The following NLGN1 variants were observed in gnomAD, a reference collection of about 807,000 sequenced individuals.
NLGN1 encodes neuroligin 1.
In NLGN1, 12 loss-of-function variants were observed where a neutral mutation model predicts 65.5. The observed-to-expected ratio is 0.18, with a 90% CI of 0.12 to 0.30. NLGN1 has a LOEUF of 0.30. NLGN1 is among the 10% of genes least tolerant of loss of function. NLGN1 has a pLI of 1.00. For synonymous variants in NLGN1, 350 were observed against 359.5 expected (o/e 0.97, Z 0.30); for missense variants, 750 against 1,007.1 (o/e 0.74, Z 3.46).
At chr3:173,647,560 T>C (rs979621582) in intron 3 of NLGN1, among the ~76,000 whole-genome samples, 2 of 152,040 alleles carry the variant, frequency 1.3e-5, no homozygotes, top group Non-Finnish European at 2.9e-5. Flanking sequence ...AATTCCCAAA[T>C]ATTTGAAAAC....
chr3:173,798,671 A>C (rs568291826), intron 3 of NLGN1, among the ~76,000 whole-genome samples: 2 of 152,222 alleles, frequency 1.3e-5, no homozygotes, highest in African/African-American at 4.8e-5. Context: ...AATTGCTTGC[A>C]GGTGTGATTA....
chr3:173,467,516 T>C (rs1028007734), intron 2 of NLGN1, among the ~76,000 whole-genome samples: 26 of 152,152 alleles, frequency 1.7e-4, no homozygotes, highest in Non-Finnish European at 2.9e-4. Context: ...AGTATGACAA[T>C]TAATACTTTC....
At chr3:173,424,603 C>G (rs1715750331) in intron 1 of NLGN1, among the ~76,000 whole-genome samples, 1 of 152,186 alleles carries the variant, frequency 6.6e-6, no homozygotes, top group Admixed American at 6.5e-5. Context: ...GTTTAAAGTT[C>G]CACAGATGTC....
At chr3:174,194,405 C>T (rs541437985) in intron 4 of NLGN1, among the ~76,000 whole-genome samples, 15 of 150,580 alleles carry the variant, frequency 1.0e-4, no homozygotes, top group African/African-American at 3.2e-4. Context: ...GCTGAGGTCG[C>T]ACCACTGAAC....
chr3:173,550,956 C>G (rs533607532), intron 2 of NLGN1, among the ~76,000 whole-genome samples: 8 of 152,238 alleles, frequency 5.3e-5, no homozygotes, highest in African/African-American at 1.7e-4. Context: ...CGATTTTTCT[C>G]CCTATACACA....
chr3:173,905,380 A>C (rs1045313204), intron 4 of NLGN1, among the ~76,000 whole-genome samples: 10 of 152,172 alleles, frequency 6.6e-5, no homozygotes, highest in African/African-American at 2.4e-4. Flanking sequence ...TGTACTGTCC[A>C]CTTAAAGCAA....
At chr3:173,968,272 A>G (rs575543787) in intron 4 of NLGN1, among the ~76,000 whole-genome samples, 1 of 152,312 alleles carries the variant, frequency 6.6e-6, no homozygotes, top group South Asian at 2.1e-4. Context: ...CCCTGTAGAA[A>G]AGGAATATTT....
chr3:173,835,755 A>G (rs190269289), intron 4 of NLGN1, among the ~76,000 whole-genome samples: 129 of 152,258 alleles, frequency 8.5e-4, no homozygotes, highest in African/African-American at 3.0e-3. Context: ...CCTTAATCCA[A>G]GAATACTAGA....
intron 2 of NLGN1, among the ~76,000 whole-genome samples, chr3:173,439,113 C>T (rs1460807978): frequency 6.6e-6 from 1 of 152,070 alleles, no homozygotes; most frequent in African/African-American, 2.4e-5. Context: ...AAGAAAAGAG[C>T]TGTTGAAGTC....
At chr3:173,624,661 G>A (rs1050841240) in intron 3 of NLGN1, among the ~76,000 whole-genome samples, 1 of 152,016 alleles carries the variant, frequency 6.6e-6, no homozygotes, top group Non-Finnish European at 1.5e-5. Context: ...ACTATACTGT[G>A]TAGTAAACAA....
intron 3 of NLGN1, chr3:173,800,311 A>G (rs768342420): frequency 3.3e-6 from 4 of 1,214,678 alleles, no homozygotes. Context: ...ACAAAGAAAC[A>G]GACAGATGAT....
chr3:173,549,074 G>A (rs960724330), intron 2 of NLGN1, among the ~76,000 whole-genome samples: 1 of 151,758 alleles, frequency 6.6e-6, no homozygotes, highest in Admixed American at 6.6e-5. Flanking sequence ...AAAAATTTGT[G>A]TTAAAACATG....
intron 3 of NLGN1, among the ~76,000 whole-genome samples, chr3:173,732,706 A>G (rs905886493): frequency 3.3e-4 from 50 of 152,250 alleles, no homozygotes; most frequent in African/African-American, 1.1e-3. Context: ...CACATTCTCA[A>G]AGAATTAAAT....
At chr3:174,276,143 A>G (rs1290022338) in intron 5 of NLGN1, among the ~76,000 whole-genome samples, 1 of 151,894 alleles carries the variant, frequency 6.6e-6, no homozygotes, top group Non-Finnish European at 1.5e-5. Flanking sequence ...CTCCAAAAGC[A>G]TTATTTTTCC....
At chr3:173,986,038 A>G (rs1312982248) in intron 4 of NLGN1, among the ~76,000 whole-genome samples, 1 of 152,210 alleles carries the variant, frequency 6.6e-6, no homozygotes, top group Non-Finnish European at 1.5e-5. Context: ...ACATGTTGTA[A>G]TCCTAATGCC....
chr3:173,411,440 C>T (rs1166440423), intron 1 of NLGN1, among the ~76,000 whole-genome samples: 1 of 152,218 alleles, frequency 6.6e-6, no homozygotes, highest in Non-Finnish European at 1.5e-5. Flanking sequence ...TTTATGATCC[C>T]ACTTTTGCTC....
At chr3:173,622,312 G>T (rs1291237914) in intron 3 of NLGN1, among the ~76,000 whole-genome samples, 1 of 152,042 alleles carries the variant, frequency 6.6e-6, no homozygotes, top group Non-Finnish European at 1.5e-5. Flanking sequence ...TGGACCCAAA[G>T]AATTTGAAAG....
At chr3:173,848,623 C>G (rs1286613573) in intron 4 of NLGN1, among the ~76,000 whole-genome samples, 2 of 152,164 alleles carry the variant, frequency 1.3e-5, no homozygotes, top group African/African-American at 4.8e-5. Flanking sequence ...TTCCCCTGAA[C>G]TTCTAAGAGA....
intron 3 of NLGN1, among the ~76,000 whole-genome samples, chr3:173,793,919 A>C (rs905121105): frequency 7.2e-5 from 11 of 152,138 alleles, no homozygotes; most frequent in Non-Finnish European, 1.5e-4. Context: ...AGATTAAGAC[A>C]AAAATCCTTC....
Sources: allele counts gnomAD v4.1 joint callset (sites outside exome capture counted in the v4.1 genomes callset), GRCh38; gene constraint gnomAD v4.1.1; transcripts MANE v1.5; gene names NCBI Gene and HGNC (gene_info 2026-07-23, HGNC 2026-07-21).